The following FOLH1 variants were observed in gnomAD, a reference collection of about 807,000 sequenced individuals.
FOLH1 encodes folate hydrolase 1, also known as glutamate carboxypeptidase 2.
A neutral mutation model predicts 93.9 loss-of-function variants in FOLH1; 54 were observed. The observed-to-expected ratio is 0.57, with a 90% CI of 0.46 to 0.72. The LOEUF is 0.72. FOLH1 is among the 30% of genes least tolerant of loss of function. The pLI is 0.00. For synonymous variants in FOLH1, 249 were observed against 303.6 expected, an observed-to-expected ratio of 0.82 and a Z score of 1.87; for missense variants, 571 against 892.5, an observed-to-expected ratio of 0.64 and a Z score of 4.59.
intron 13 of FOLH1, among the ~76,000 whole-genome samples, chr11:49,161,559 A>G (rs1158463412): frequency 1.3e-5 from 2 of 152,202 alleles, no homozygotes; most frequent in Non-Finnish European, 2.9e-5. Flanking sequence ...CAGGATACCA[A>G]TAGGTCCTGG....
chr11:49,185,976 A>T, intron 5 of FOLH1, 121 bp from the exon 6 acceptor site: 1 of 1,261,656 alleles, frequency 7.9e-7, no homozygotes, highest in Non-Finnish European at 1.0e-6. Flanking sequence ...TTTTCTCATT[A>T]GGCCTACAAC....
chr11:49,162,791 T>A (rs1263734146), intron 13 of FOLH1: 1 of 143,722 alleles, frequency 7.0e-6, no homozygotes, highest in Non-Finnish European at 1.5e-5. Flanking sequence ...TTTTCTTTTC[T>A]TTTTTTTTTT....
chr11:49,154,949 T>C (rs1045894391), intron 15 of FOLH1, among the ~76,000 whole-genome samples: 9 of 151,938 alleles, frequency 5.9e-5, no homozygotes, highest in South Asian at 2.1e-4. Flanking sequence ...TGACAAGCAG[T>C]GTACTGAAGG....
At position 49,146,832 on chromosome 11, in the gene FOLH1, C is replaced by G. The variant is rs2134812134; in HGVS notation, c.2177G>C (p.Gly726Ala). ...AACATAAATCTGTCTCTTCACTTCT[C>G]CCCAGGCCTTGGAAGGGTCCACTTT... ...ESKVDPSKAWGEVKRQIYVAA... is the reference protein window; with the variant it reads ...ESKVDPSKAWAEVKRQIYVAA... Residue 726 changes from glycine to alanine, a missense_variant, in exon 19 of 19, where the codon GGA becomes GCA. This residue lies in a region of FOLH1 where 500 missense variants were observed against 822.9 expected (regional missense o/e 0.61). Transcript: ENST00000256999. 6.2e-7 allele frequency: 1 copy of G among 1,613,542 alleles called. No homozygotes were observed. The highest frequency in any genetic ancestry group is 2.2e-5 in the East Asian group (1 of 44,852).
At chr11:49,175,152 G>A (rs766114312) in intron 8 of FOLH1, among the ~76,000 whole-genome samples, 175 bp from the exon 9 acceptor site, 41 of 152,112 alleles carry the variant, frequency 2.7e-4, no homozygotes, top group Non-Finnish European at 5.3e-4. Flanking sequence ...AGTGTATACA[G>A]GAGCCAAACA....
chr11:49,208,585 G>A lies in FOLH1; in HGVS notation c.-176C>T, dbSNP rs1267189751. 2 of 514,758 alleles carry A rather than the reference G, an allele frequency of 3.9e-6. No homozygotes were observed. Among genetic ancestry groups the A allele is most frequent in the Non-Finnish European group, 6.9e-6 (2 of 290,384 alleles). 31.9% of individuals were successfully genotyped at this position (514,758 alleles called of 1,614,324 possible). On this transcript the variant is annotated 5_prime_UTR_variant, in exon 1 of 19. Transcript: ENST00000256999. The stretch of plus-strand genomic sequence containing the variant: ...GGGGTCCAGTTTCTCCACCACAGCA[G>A]TGTTTCTAGAGTGCACTGAACCAAT...
chr11:49,167,884 C>T (rs1190126957), intron 12 of FOLH1, among the ~76,000 whole-genome samples: 7 of 145,804 alleles, frequency 4.8e-5, no homozygotes, highest in Admixed American at 1.4e-4. Flanking sequence ...AAACAAAAAA[C>T]AGAAAAAGAA....
At chr11:49,168,846 T>TA (rs766969867) in intron 12 of FOLH1, among the ~76,000 whole-genome samples, 2 of 152,088 alleles carry the variant, frequency 1.3e-5, no homozygotes, top group African/African-American at 4.8e-5. Flanking sequence ...AACAGATACT[T>TA]ACTAAATTCC....
chr11:49,185,390 C>T (rs1861247677), intron 6 of FOLH1, among the ~76,000 whole-genome samples: 1 of 152,074 alleles, frequency 6.6e-6, no homozygotes, highest in Non-Finnish European at 1.5e-5. Context: ...CTGTCCCAGC[C>T]CCCTATGTCA....
chr11:49,148,610 C>T, intron 18 of FOLH1, 29 bp downstream of exon 18: 5 of 1,460,546 alleles, frequency 3.4e-6, no homozygotes, highest in Non-Finnish European at 4.7e-6. Context: ...AGTGATATTA[C>T]AGAAAGGAGT....
In FOLH1 at chr11:49,208,343, C is replaced by T; in HGVS notation, c.67G>A (p.Ala23Thr). Residue 23 changes from alanine (A) to threonine (T), a missense_variant, in exon 1 of 19, where the codon GCT (alanine) becomes ACT (threonine). Coordinates refer to ENST00000256999, the MANE Select transcript of FOLH1 (RefSeq NM_004476.3). ...ATARRPRWLC[A>T]GALVLAGGFF... is the part of the protein sequence containing the mutation. Reference sequence around the variant, plus strand: ...CCACCCGCCAGCACCAGCGCCCCAGCGCACAGCCAGCGCGGGCGGCGCGCG... The same window carrying T: ...CCACCCGCCAGCACCAGCGCCCCAGTGCACAGCCAGCGCGGGCGGCGCGCG... The T allele has an allele frequency of 1.2e-6, 2 of 1,600,154 alleles. No individual in the cohort carries two copies. The highest frequency in any genetic ancestry group is 1.7e-6 in the Non-Finnish European group (2 of 1,172,250).
chr11:49,146,858 G>T lies in FOLH1; in HGVS notation c.2151C>A (p.Ser717Arg), dbSNP rs150088430. The T allele has an allele frequency of 2.9e-3, 4,709 of 1,613,426 alleles. 8 individuals carry two copies. Among genetic ancestry groups the T allele is most frequent in the Non-Finnish European group, 3.7e-3 (4,370 of 1,179,610 alleles). ...CCCAGGCCTTGGAAGGGTCCACTTT[G>T]CTTTCAATATCAAACAGAGCATCAT... Reference protein sequence around the residue: ...GIYDALFDIESKVDPSKAWGE... With the variant: ...GIYDALFDIERKVDPSKAWGE... The change falls in exon 19 of 19, where the codon AGC becomes AGA. Residue 717 changes from serine (S) to arginine (R), a missense_variant. Physicochemically the swap from Ser to Arg is moderately radical, Grantham distance 110. Around this residue, in one of 2 missense-constraint regions of FOLH1, gnomAD observed 500 missense variants for 822.9 expected, o/e 0.61. Transcript: ENST00000256999.
At chr11:49,205,677 G>T (rs1863835749) in intron 2 of FOLH1, among the ~76,000 whole-genome samples, 1 of 152,102 alleles carries the variant, frequency 6.6e-6, no homozygotes, top group South Asian at 2.1e-4. Context: ...TTTTAAATTG[G>T]TTTTAAAAAT....
chr11:49,204,235 G>A (rs923554169), intron 2 of FOLH1, among the ~76,000 whole-genome samples: 9 of 152,188 alleles, frequency 5.9e-5, no homozygotes, highest in African/African-American at 1.7e-4. Context: ...TCACCTTCAT[G>A]TGCCTGCTTG....
At chr11:49,205,783 C>T (rs1863850834) in intron 2 of FOLH1, among the ~76,000 whole-genome samples, 1 of 152,164 alleles carries the variant, frequency 6.6e-6, no homozygotes, top group East Asian at 1.9e-4. Flanking sequence ...TCTATGACTT[C>T]TTTTGTGCTG....
chr11:49,154,221 A>G lies in FOLH1; in HGVS notation c.1888+7T>C. ...ATGAGGAATTTGAAAAAGGAAGGGTAACATACCAAATGATACACTGTATGT... is the reference window on the plus strand; with the variant it reads ...ATGAGGAATTTGAAAAAGGAAGGGTGACATACCAAATGATACACTGTATGT... On this transcript the variant is annotated splice_region_variant and intron_variant, in intron 16 of 18. Transcript: ENST00000256999. 6.2e-7 allele frequency: 1 copy of G among 1,612,820 alleles called. No homozygotes were observed. The highest frequency in any genetic ancestry group is 2.2e-5 in the East Asian group (1 of 44,854).
At chr11:49,179,020 A>G (rs1860418772) in intron 7 of FOLH1, among the ~76,000 whole-genome samples, 1 of 152,246 alleles carries the variant, frequency 6.6e-6, no homozygotes, top group African/African-American at 2.4e-5. Context: ...ATAATATAAA[A>G]CAGAACATCA....
At chr11:49,170,624 A>C (rs1471051566) in intron 11 of FOLH1, among the ~76,000 whole-genome samples, 3 of 152,198 alleles carry the variant, frequency 2.0e-5, no homozygotes, top group Admixed American at 1.3e-4. Flanking sequence ...AGTTAGCTTT[A>C]GGAGATATTT....
In FOLH1 at chr11:49,154,262, A is replaced by G. The variant is rs1856770779; in HGVS notation, c.1854T>C (p.His618=). The G allele has an allele frequency of 3.1e-6, 5 of 1,613,462 alleles. No homozygotes were observed. In the East Asian group the frequency reaches 6.7e-5, roughly 22 times the overall value. The change falls in exon 16 of 19, where the codon CAT becomes CAC. Residue 618 remains histidine (H), a synonymous_variant. Coordinates refer to ENST00000256999, the MANE Select transcript of FOLH1 (RefSeq NM_004476.3). ...CACTGTATGTCTTCATTTCCTGTGG[A>G]TGTTTCATAGAAATACTGTAGATTT... The part of the protein sequence containing the change: ...ADKIYSISMK[H]PQEMKTYSVS...
Sources: gnomAD v4.1 joint callset for allele counts (sites outside exome capture counted in the v4.1 genomes callset) on GRCh38, gnomAD v4.1.1 for gene constraint, gnomAD v4.1.1 regional missense constraint, MANE v1.5 for transcripts, NCBI Gene and HGNC (gene_info 2026-07-23, HGNC 2026-07-21) for gene names.